MRPL23: variants seen among roughly 807,000 people sequenced by gnomAD.
MRPL23 encodes the protein large ribosomal subunit protein uL23m.
For missense variants in MRPL23, 25 were observed against 81.3 expected (o/e 0.31, Z 2.66); for synonymous variants, 12 against 34.8 (o/e 0.35, Z 2.30).
At chr11:1,983,523 G>A (rs1390018837) in intron 5 of MRPL23, 2 of 97,532 alleles carry the variant, frequency 2.1e-5, no homozygotes, top group African/African-American at 3.6e-5. Context: ...TCCCTGGCTC[G>A]ACCCTGTGCC....
chr11:1,984,152 C>A (rs777520592), intron 5 of MRPL23: 1 of 45,048 alleles, frequency 2.2e-5, no homozygotes, highest in African/African-American at 6.5e-5. Flanking sequence ...CCCTTCCCCT[C>A]GCCACAGTGG....
At chr11:1,957,818 C>A (rs192834879), downstream of MRPL23, among the ~76,000 whole-genome samples, 912 of 102,222 alleles carry the variant, frequency 8.9e-3, 109 homozygotes, top group African/African-American at 0.031. Flanking sequence ...GCTGGTGCGT[C>A]CTCAGGACGG....
rs1342663271 is a variant in MRPL23 at position 1,954,708 on chromosome 11, GAATGAAGGGCGCACGA to G, written c.298-1547_298-1532del. Among the ~76,000 whole-genome samples the G allele has an allele frequency of 5.6e-3, 269 of 47,728 alleles. 70 individuals are homozygous for G. Among genetic ancestry groups the G allele is most frequent in the African/African-American group, 0.012 (267 of 22,336 alleles). 31.3% of individuals were successfully genotyped at this position (47,728 alleles called of 152,430 possible). On this transcript the variant is annotated intron_variant, in intron 4 of 4. Transcript: ENST00000397298. The stretch of plus-strand genomic sequence containing the variant: ...CAGCGCGGGAATGAAGGGCGCGCAG[GAATGAAGGGCGCACGA>G]CATGAGAGGCAACTCCAGAACAAAC...
downstream of MRPL23, among the ~76,000 whole-genome samples, chr11:1,959,435 C>G (rs1407275497): frequency 3.1e-4 from 2 of 6,398 alleles, 1 homozygote; most frequent in African/African-American, 3.4e-4. Flanking sequence ...CTCCCACCAC[C>G]TCAGGCACAC....
At chr11:1,953,695 G>A (rs1489230355) in intron 4 of MRPL23, among the ~76,000 whole-genome samples, 1 of 99,670 alleles carries the variant, frequency 1.0e-5, no homozygotes, top group African/African-American at 4.1e-5. Flanking sequence ...AGGCCGAGCC[G>A]GCGGGCCCTG....
intron 5 of MRPL23, among the ~76,000 whole-genome samples, chr11:1,979,308 A>G (rs1856714309): frequency 6.9e-6 from 1 of 145,748 alleles, no homozygotes; most frequent in African/African-American, 2.4e-5. Context: ...GGCTCTGCCC[A>G]TCTGTCCTCT....
chr11:1,994,262 G>T, the MRPL23 span, among the ~76,000 whole-genome samples: 1 of 97,746 alleles, frequency 1.0e-5, no homozygotes, highest in Non-Finnish European at 2.8e-5. Context: ...CCCAGCGCCT[G>T]CACAGCGAGG....
At chr11:1,993,264 G>A in the MRPL23 span, 1 of 92,988 alleles carries the variant, frequency 1.1e-5, no homozygotes, top group Non-Finnish European at 2.8e-5. Flanking sequence ...GCTCCCAGGT[G>A]GAAACTCCAG....
chr11:1,962,319 CT>C lies in MRPL23; in HGVS notation c.381del (p.Phe127LeufsTer28). On this transcript the variant is annotated frameshift_variant, in exon 5 of 5. Transcript: ENST00000381514. LOFTEE classifies it low-confidence loss of function (END_TRUNC). Reference sequence around the variant, plus strand: ...CCCCCAGAATTCCCTGCATTGTCGCCTTTGCGTCTTGGGGCCCTGGGAGCAA... The same window carrying C: ...CCCCCAGAATTCCCTGCATTGTCGCCTTGCGTCTTGGGGCCCTGGGAGCAA... 2.6e-6 allele frequency: 1 copy of C among 384,894 alleles called. No homozygotes were observed. 23.8% of individuals were successfully genotyped at this position (384,894 alleles called of 1,614,324 possible).
In MRPL23 at chr11:1,951,208, G is replaced by T. The variant is rs190112380; in HGVS notation, c.140+187G>T. Among the ~76,000 whole-genome samples, 29 of 103,462 alleles carry T rather than the reference G, an allele frequency of 2.8e-4. 8 individuals are homozygous for T. Among genetic ancestry groups the T allele is most frequent in the Admixed American group, 1.2e-3 (9 of 7,748 alleles). 67.9% of individuals were successfully genotyped at this position (103,462 alleles called of 152,430 possible). A position where few individuals can be genotyped will look rare whatever the true frequency, so the allele number is the denominator to read the frequency against. ...GAAGGCACCTCAGGCGGCCCTGCCC[G>T]GCAAGTATTGATGGAGTGCCTGTAG... is the stretch of plus-strand genomic sequence containing the variant. On this transcript the variant is annotated intron_variant, in intron 2 of 4. Coordinates refer to ENST00000397298, the MANE Select transcript of MRPL23 (RefSeq NM_021134.4).
chr11:1,978,878 CCGGCGGG>C (rs1045407067), intron 5 of MRPL23, among the ~76,000 whole-genome samples: 3 of 89,988 alleles, frequency 3.3e-5, no homozygotes, highest in Non-Finnish European at 7.1e-5. Context: ...TGGGAGGCTT[CCGGCGGG>C]CGGCAGGTGG....
At chr11:1,988,929 C>G (rs1332844072), downstream of MRPL23, among the ~76,000 whole-genome samples, 2 of 144,734 alleles carry the variant, frequency 1.4e-5, no homozygotes, top group Non-Finnish European at 3.1e-5. Flanking sequence ...AGACGGGCCT[C>G]CCTGGATGGT....
chr11:1,963,579 CAGTG>C (rs148426265), downstream of MRPL23, among the ~76,000 whole-genome samples: 4,199 of 116,918 alleles, frequency 0.036, 315 homozygotes, highest in African/African-American at 0.12. Context: ...TCAGGGCACT[CAGTG>C]GGTGGAGAGG....
intron 5 of MRPL23, chr11:1,984,196 G>A (rs747617995): frequency 3.5e-5 from 1 of 28,824 alleles, no homozygotes; most frequent in Admixed American, 3.0e-4. Context: ...CGGGCTTTGC[G>A]GCACAACCTG....
Position 1,956,350 on chromosome 11 carries a change from A to T in MRPL23, c.392A>T (p.Glu131Val), listed in dbSNP as rs753929950. The T allele has an allele frequency of 9.1e-6, 14 of 1,536,606 alleles. 3 individuals carry two copies. The South Asian group carries it at 1.6e-4, about 18-fold the overall frequency. The change falls in exon 5 of 5, where the codon GAG becomes GTG. Residue 131 changes from glutamate (E) to valine (V), a missense_variant. By Grantham distance (121) the Glu-to-Val change is moderately radical. Transcript: ENST00000397298. Reference protein sequence around the residue: ...SAADDLYSMLEEERQQRQSSD... With the variant: ...SAADDLYSMLVEERQQRQSSD... ...GCCGACGACCTCTACAGCATGCTCG[A>T]GGAGGAGAGGCAGCAGAGGCAGAGC... is the stretch of plus-strand genomic sequence containing the variant.
At chr11:1,992,184 A>G in the MRPL23 span, 1 of 90,692 alleles carries the variant, frequency 1.1e-5, no homozygotes, top group Non-Finnish European at 2.9e-5. Flanking sequence ...CAGCCCGGAA[A>G]GGCGGGTTAA....
downstream of MRPL23, among the ~76,000 whole-genome samples, chr11:1,964,018 C>T (rs143602429): frequency 2.1e-5 from 3 of 144,114 alleles, no homozygotes; most frequent in African/African-American, 7.4e-5. Flanking sequence ...ACCCACATGG[C>T]CGTCCCTCCT....
rs375936843 is a variant in MRPL23, at chr11:1,956,415, C to T, written c.457C>T (p.Leu153=). The part of the protein sequence containing the change: ...RRGGVPSWFG[L] ...GGGCGGCGTCCCCAGCTGGTTCGGG[C>T]TGTGACGGGGTGGCCAGCAGGGACG... is the stretch of plus-strand genomic sequence containing the variant. Residue 153 remains leucine (L), a synonymous_variant, in exon 5 of 5, where the codon CTG becomes TTG. Transcript: ENST00000397298. The T allele has an allele frequency of 3.4e-5, 40 of 1,171,444 alleles. 1 individual carries two copies. In the African/African-American group the frequency reaches 4.3e-4, roughly 13 times the overall value. The allele number at this position is 1,171,444 out of a possible 1,614,324, so 72.6% of individuals were successfully genotyped here. A position where few individuals can be genotyped will look rare whatever the true frequency, so the allele number is the denominator to read the frequency against.
intron 5 of MRPL23, among the ~76,000 whole-genome samples, chr11:1,979,642 CAG>C (rs1274297851): frequency 2.8e-5 from 3 of 105,716 alleles, no homozygotes; most frequent in African/African-American, 9.7e-5. Flanking sequence ...GGCCAGAGAT[CAG>C]GGGAGGATGT....
Sources: allele counts gnomAD v4.1 joint callset (sites outside exome capture counted in the v4.1 genomes callset), GRCh38; gene constraint gnomAD v4.1.1; transcripts MANE v1.5; gene names NCBI Gene and HGNC (gene_info 2026-07-23, HGNC 2026-07-21).